LRBA: variants seen among roughly 807,000 people sequenced by gnomAD.
LRBA encodes lipopolysaccharide-responsive and beige-like anchor protein.
A neutral mutation model predicts 330.0 loss-of-function variants in LRBA; 176 were observed. The observed-to-expected ratio is 0.53, with a 90% CI of 0.47 to 0.60. The LOEUF (loss-of-function observed/expected upper bound fraction) is 0.60. LRBA is among the 20% of genes least tolerant of loss of function. The probability of loss-of-function intolerance (pLI) is 0.00; values close to 1 mark genes in which losing one functional copy is unlikely to be tolerated. For missense variants in LRBA, 3,259 were observed against 3,444.8 expected (o/e 0.95, Z 1.35); for synonymous variants, 1,230 against 1,193.0 (o/e 1.03, Z -0.64).
In LRBA at chr4:150,683,830, A is replaced by G. The variant is rs1314127229; in HGVS notation, c.5755-113T>C. ...CAACCAAAATTTTAAATCTACTTTT[A>G]CATTCCTCATTCACCTAACTGAGAT... On this transcript the variant is annotated intron_variant, in intron 36 of 56. Coordinates refer to ENST00000651943, the MANE Select transcript of LRBA (RefSeq NM_001364905.1). 5.6e-6 allele frequency: 4 copies of G among 711,552 alleles called. No homozygotes were observed. In the African/African-American group the frequency reaches 7.2e-5, roughly 13 times the overall value. The allele number at this position is 711,552 out of a possible 1,614,324, so 44.1% of individuals were successfully genotyped here. A position where few individuals can be genotyped will look rare whatever the true frequency, so the allele number is the denominator to read the frequency against.
chr4:150,344,714 T>C (rs1736042241), intron 48 of LRBA, among the ~76,000 whole-genome samples: 1 of 152,178 alleles, frequency 6.6e-6, no homozygotes, highest in Non-Finnish European at 1.5e-5. Context: ...CATGCCCAGA[T>C]AAGTTTTTCA....
At chr4:150,290,278 A>G (rs1728087982) in intron 53 of LRBA, among the ~76,000 whole-genome samples, 1 of 152,150 alleles carries the variant, frequency 6.6e-6, no homozygotes, top group East Asian at 1.9e-4. Context: ...ACTATCAATA[A>G]TCTCTCATTG....
chr4:150,633,736 T>C (rs1777609614), intron 37 of LRBA, among the ~76,000 whole-genome samples: 1 of 152,170 alleles, frequency 6.6e-6, no homozygotes, highest in Admixed American at 6.5e-5. Context: ...ACTATCAATA[T>C]CTCCACAGTA....
intron 47 of LRBA, among the ~76,000 whole-genome samples, chr4:150,402,179 A>G (rs1910720): frequency 0.87 from 129,147 of 148,428 alleles, 57,056 homozygotes; most frequent in Non-Finnish European, 0.96. Flanking sequence ...GCAAGTTTTT[A>G]TAAGTTTGGA....
chr4:150,634,614 A>T (rs944992729), intron 37 of LRBA, among the ~76,000 whole-genome samples: 1 of 152,208 alleles, frequency 6.6e-6, no homozygotes, highest in African/African-American at 2.4e-5. Context: ...ATTGTGAAGG[A>T]TCTGACACTA....
chr4:150,488,560 T>C (rs1758170560), intron 41 of LRBA, among the ~76,000 whole-genome samples: 1 of 151,540 alleles, frequency 6.6e-6, no homozygotes, highest in Non-Finnish European at 1.5e-5. Context: ...AATGTTAATT[T>C]ATGAGAGTAA....
At chr4:150,296,475 ACT>A (rs893414685) in intron 53 of LRBA, among the ~76,000 whole-genome samples, 2 of 152,202 alleles carry the variant, frequency 1.3e-5, no homozygotes, top group Non-Finnish European at 2.9e-5. Flanking sequence ...GAAAAAAATT[ACT>A]GTTAAAAAAT....
At position 150,921,288 on chromosome 4, in the gene LRBA, T is replaced by C. The variant is rs1314607896; in HGVS notation, c.555A>G (p.Pro185=). 2 of 1,596,132 alleles carry C rather than the reference T, an allele frequency of 1.3e-6. No individual in the cohort carries two copies. The highest frequency in any genetic ancestry group is 1.7e-6 in the Non-Finnish European group (2 of 1,163,774). The change falls in exon 5 of 57, where the codon CCA becomes CCG. Residue 185 remains proline (P), a synonymous_variant. Coordinates refer to ENST00000651943, the MANE Select transcript of LRBA (RefSeq NM_001364905.1). ...KLQGDKGRWP[P]HAGKLLSVLK... ...ACACAGACAGCAACTTCCCAGCATGTGGAGGCTATGAAGATAATTAACAAT... is the reference window on the plus strand; with the variant it reads ...ACACAGACAGCAACTTCCCAGCATGCGGAGGCTATGAAGATAATTAACAAT...
chr4:150,882,315 A>G (rs2127052684), intron 17 of LRBA, among the ~76,000 whole-genome samples: 1 of 152,356 alleles, frequency 6.6e-6, no homozygotes, highest in Admixed American at 6.5e-5. Flanking sequence ...AAATTTTGTA[A>G]AAGTTAAATG....
chr4:150,422,976 C>G (rs1219016626), intron 46 of LRBA: 1 of 781,198 alleles, frequency 1.3e-6, no homozygotes, highest in Admixed American at 1.7e-5. Context: ...AGAAGTATTT[C>G]TGGTCCAATG....
chr4:150,696,870 C>T (rs1322528961), intron 36 of LRBA, among the ~76,000 whole-genome samples: 9 of 150,932 alleles, frequency 6.0e-5, no homozygotes, highest in Non-Finnish European at 1.3e-4. Flanking sequence ...AAAAATTAGC[C>T]GGGCATGGTG....
intron 44 of LRBA, 112 bp downstream of exon 44, chr4:150,467,561 A>T: frequency 1.7e-6 from 1 of 597,624 alleles, no homozygotes. Context: ...ATTATATTAA[A>T]GGTACGACTA....
intron 40 of LRBA, among the ~76,000 whole-genome samples, chr4:150,547,852 G>A (rs947420625): frequency 6.6e-6 from 1 of 151,992 alleles, no homozygotes; most frequent in Non-Finnish European, 1.5e-5. Flanking sequence ...ACATGGCATA[G>A]CAAAACTGAA....
intron 37 of LRBA, among the ~76,000 whole-genome samples, chr4:150,631,869 T>G (rs1245959764): frequency 6.6e-6 from 1 of 152,186 alleles, no homozygotes; most frequent in Admixed American, 6.5e-5. Flanking sequence ...AAAAAGGTTC[T>G]GAAAACAGAG....
At chr4:150,414,786 C>A (rs960268300) in intron 47 of LRBA, among the ~76,000 whole-genome samples, 12 of 152,130 alleles carry the variant, frequency 7.9e-5, no homozygotes, top group African/African-American at 2.9e-4. Context: ...CCACCGCACC[C>A]GGCCAAGATT....
At chr4:150,634,154 C>A (rs1777658124) in intron 37 of LRBA, among the ~76,000 whole-genome samples, 1 of 152,148 alleles carries the variant, frequency 6.6e-6, no homozygotes, top group African/African-American at 2.4e-5. Flanking sequence ...CTACCTCCTA[C>A]TAACTCTTCA....
At chr4:150,290,495 T>C (rs1298551924) in intron 53 of LRBA, among the ~76,000 whole-genome samples, 2 of 152,156 alleles carry the variant, frequency 1.3e-5, no homozygotes, top group African/African-American at 4.8e-5. Context: ...TGAAAAATTG[T>C]CATGGCCTTC....
intron 50 of LRBA, among the ~76,000 whole-genome samples, chr4:150,319,883 G>A (rs1476454432): frequency 1.3e-5 from 2 of 152,134 alleles, no homozygotes; most frequent in Non-Finnish European, 2.9e-5. Flanking sequence ...CCTTGTTCAA[G>A]AACTTGTATT....
intron 44 of LRBA, among the ~76,000 whole-genome samples, chr4:150,443,853 A>AAAAATAT (rs70941406): frequency 5.3e-5 from 4 of 75,480 alleles, no homozygotes; most frequent in Admixed American, 1.4e-4. Context: ...TAATTAAAAA[A>AAAAATAT]ATATATATAT....
Sources: gnomAD v4.1 joint callset for allele counts (sites outside exome capture counted in the v4.1 genomes callset) on GRCh38, gnomAD v4.1.1 for gene constraint, MANE v1.5 for transcripts, NCBI Gene and HGNC (gene_info 2026-07-23, HGNC 2026-07-21) for gene names.